Variants in RWDD4 observed in about 807,000 individuals in gnomAD.
The protein encoded by RWDD4 is RWD domain containing 4.
Under a neutral mutation model 30.0 loss-of-function variants are expected in RWDD4, and 16 were observed. The observed-to-expected ratio is 0.53, with a 90% CI of 0.36 to 0.81. The LOEUF (loss-of-function observed/expected upper bound fraction) is 0.81, where lower values mean the gene tolerates loss of function less well. Ranked by LOEUF, RWDD4 falls within the 30% of genes least tolerant of loss-of-function variation. RWDD4 has a pLI of 0.00. For missense variants in RWDD4, 170 were observed against 223.9 expected (o/e 0.76, Z 1.54); for synonymous variants, 45 against 72.1 (o/e 0.62, Z 1.90).
intron 2 of RWDD4, among the ~76,000 whole-genome samples, chr4:183,651,950 A>G (rs1292889836): frequency 6.6e-6 from 1 of 152,176 alleles, no homozygotes; most frequent in African/African-American, 2.4e-5. Context: ...ACACTCTGAC[A>G]TTCATCTTAT....
chr4:183,658,958 C>G lies in RWDD4; in HGVS notation c.-6G>C. On this transcript the variant is annotated 5_prime_UTR_variant, in exon 1 of 8. Transcript: ENST00000326397. ...TGGTCCTCGTTGGCACTCATCGCGC[C>G]GGTCGCGGGGCGCCTCCTGAGCGGA... The G allele has an allele frequency of 7.8e-7, 1 of 1,275,822 alleles. No homozygotes were observed. Among genetic ancestry groups the G allele is most frequent in the Non-Finnish European group, 9.9e-7 (1 of 1,012,128 alleles). 79.0% of individuals were successfully genotyped at this position (1,275,822 alleles called of 1,614,324 possible).
At position 183,649,500 on chromosome 4, in the gene RWDD4, T is replaced by G; in HGVS notation, c.432A>C (p.Lys144Asn). Residue 144 changes from lysine to asparagine, a missense_variant, in exon 5 of 8, where the codon AAA (lysine) becomes AAC (asparagine). Lys to Asn is a moderately conservative substitution (Grantham distance 94). Transcript: ENST00000326397. ...TCTGGGCTTTTGAAAGTTGTTCTTT[T>G]TTGTCTTTTTTCTTACTTGATGGGG... Reference protein sequence around the residue: ...NTAPSSKKKDKKEQLSKAQKR... With the variant: ...NTAPSSKKKDNKEQLSKAQKR... 1 of 1,613,550 alleles carries G rather than the reference T, an allele frequency of 6.2e-7. No individual in the cohort carries two copies. Among genetic ancestry groups the G allele is most frequent in the Non-Finnish European group, 8.5e-7 (1 of 1,179,622 alleles).
At position 183,642,410 on chromosome 4, in the gene RWDD4, C is replaced by T. The variant is rs550339772; in HGVS notation, c.535-942G>A. ...TTCACCGTGTTAGCCAGGATGGTCTCGATCTCCTGACCTCGTGATCCGCCC... is the reference window on the plus strand; with the variant it reads ...TTCACCGTGTTAGCCAGGATGGTCTTGATCTCCTGACCTCGTGATCCGCCC... On this transcript the variant is annotated intron_variant, in intron 7 of 7. Coordinates refer to ENST00000326397, the MANE Select transcript of RWDD4 (RefSeq NM_152682.4). 1.9e-4 allele frequency among the ~76,000 whole-genome samples: 16 copies of T among 85,412 alleles called. 7 individuals are homozygous for T. The highest frequency in any genetic ancestry group is 7.7e-4 in the African/African-American group (10 of 12,946). 56.0% of individuals were successfully genotyped at this position (85,412 alleles called of 152,430 possible). A position where few individuals can be genotyped will look rare whatever the true frequency, so the allele number is the denominator to read the frequency against.
chr4:183,643,232 G>C (rs1404701154), intron 7 of RWDD4, among the ~76,000 whole-genome samples: 2 of 147,692 alleles, frequency 1.4e-5, no homozygotes, highest in Non-Finnish European at 3.0e-5. Context: ...TTTGTGACCA[G>C]CCTGGCCAAT....
chr4:183,658,775 C>G (rs1734283017), intron 1 of RWDD4, among the ~76,000 whole-genome samples, 154 bp downstream of exon 1: 1 of 152,226 alleles, frequency 6.6e-6, no homozygotes, highest in South Asian at 2.1e-4. Context: ...TTCACGCGCG[C>G]TTGGGTGGGA....
Position 183,658,917 on chromosome 4 carries a change from C to CG in RWDD4, c.24+11dup, listed in dbSNP as rs768719785. On this transcript the variant is annotated intron_variant, in intron 1 of 7. Transcript: ENST00000326397. ...CCCGCGCTGGGAGAGGGCCCTGAGC[C>CG]GGGGGGCTCACCTCCTGGTCCTCGT... 143 of 1,265,654 alleles carry CG rather than the reference C, an allele frequency of 1.1e-4. No homozygotes were observed. Among genetic ancestry groups the CG allele is most frequent in the Non-Finnish European group, 1.4e-4 (140 of 1,007,002 alleles). The allele number at this position is 1,265,654 out of a possible 1,614,324, so 78.4% of individuals were successfully genotyped here.
intron 4 of RWDD4, among the ~76,000 whole-genome samples, chr4:183,650,236 A>G (rs1396460278): frequency 6.6e-6 from 1 of 152,228 alleles, no homozygotes; most frequent in Non-Finnish European, 1.5e-5. Context: ...TGAGTGGTGC[A>G]GTGATGTGAA....
chr4:183,649,673 T>C, intron 4 of RWDD4, 105 bp from the exon 5 acceptor site: 1 of 565,794 alleles, frequency 1.8e-6, no homozygotes, highest in Non-Finnish European at 3.1e-6. Flanking sequence ...ACTTATGAAA[T>C]AAAAGAATCC....
chr4:183,652,602 G>C (rs1046511840), intron 2 of RWDD4, among the ~76,000 whole-genome samples: 3 of 152,064 alleles, frequency 2.0e-5, no homozygotes, highest in African/African-American at 7.2e-5. Context: ...ATGAGGTCAA[G>C]AGATCGAGAC....
chr4:183,651,561 C>T (rs1256192200), intron 2 of RWDD4, among the ~76,000 whole-genome samples: 1 of 152,176 alleles, frequency 6.6e-6, no homozygotes, highest in African/African-American at 2.4e-5. Flanking sequence ...ATGCCCATGT[C>T]CTGTCCCTAA....
intron 2 of RWDD4, among the ~76,000 whole-genome samples, chr4:183,652,637 C>G (rs1463445372): frequency 1.3e-5 from 2 of 151,998 alleles, no homozygotes; most frequent in Non-Finnish European, 1.5e-5. Context: ...TGGTGAAACC[C>G]CATCTCTGCT....
At chr4:183,655,204 G>T (rs4536979) in intron 2 of RWDD4, among the ~76,000 whole-genome samples, 1 of 151,912 alleles carries the variant, frequency 6.6e-6, no homozygotes, top group Non-Finnish European at 1.5e-5. Flanking sequence ...GCCTCTCAAA[G>T]TTCTGGGATT....
chr4:183,642,610 C>CAA (rs1378399010), intron 7 of RWDD4, among the ~76,000 whole-genome samples: 1 of 151,858 alleles, frequency 6.6e-6, no homozygotes, highest in Non-Finnish European at 1.5e-5. Flanking sequence ...CTAAGAACAA[C>CAA]CTGGGTTAAT....
chr4:183,646,186 G>A (rs1733962617), intron 7 of RWDD4, among the ~76,000 whole-genome samples, 165 bp downstream of exon 7: 1 of 152,034 alleles, frequency 6.6e-6, no homozygotes, highest in East Asian at 1.9e-4. Context: ...TTACAGGTGT[G>A]AGCCACTGTC....
chr4:183,646,616 G>A, intron 5 of RWDD4, 79 bp from the exon 6 acceptor site: 2 of 1,241,156 alleles, frequency 1.6e-6, no homozygotes, highest in East Asian at 2.4e-5. Flanking sequence ...ATATACTACT[G>A]TACACAACAA....
intron 7 of RWDD4, among the ~76,000 whole-genome samples, chr4:183,646,086 T>A (rs1002293478): frequency 2.6e-5 from 4 of 152,122 alleles, no homozygotes; most frequent in African/African-American, 9.7e-5. Flanking sequence ...GTATTTTTAG[T>A]ATAGACAGGG....
chr4:183,655,494 C>T (rs999890156), intron 2 of RWDD4, among the ~76,000 whole-genome samples: 5 of 151,992 alleles, frequency 3.3e-5, no homozygotes, highest in Non-Finnish European at 5.9e-5. Context: ...CCATGTTGGC[C>T]AGGATGGTCT....
intron 2 of RWDD4, among the ~76,000 whole-genome samples, chr4:183,651,992 T>C (rs982570343): frequency 7.2e-5 from 11 of 152,240 alleles, no homozygotes; most frequent in African/African-American, 2.4e-4. Context: ...ATTTACTTTA[T>C]CTTTCCCCCT....
intron 7 of RWDD4, among the ~76,000 whole-genome samples, chr4:183,641,790 T>C (rs1733861124): frequency 6.6e-6 from 1 of 152,222 alleles, no homozygotes; most frequent in Admixed American, 6.5e-5. Flanking sequence ...AATGACACTC[T>C]TCAAAAGTTC....
Sources: gnomAD v4.1 joint callset for allele counts (sites outside exome capture counted in the v4.1 genomes callset) on GRCh38, gnomAD v4.1.1 for gene constraint, MANE v1.5 for transcripts, NCBI Gene and HGNC (gene_info 2026-07-23, HGNC 2026-07-21) for gene names.